BBS9: variants seen among roughly 807,000 people sequenced by gnomAD.
BBS9 encodes the protein Bardet-Biedl syndrome 9, also known as protein PTHB1.
BBS9 carries 89 observed loss-of-function variants against 117.7 expected under a neutral mutation model. The ratio of observed to expected loss-of-function variants is 0.76; its 90% CI spans 0.64 to 0.90. The LOEUF is 0.90. Ranked by LOEUF, BBS9 falls within the 40% of genes least tolerant of loss-of-function variation. BBS9 has a pLI of 0.00. For synonymous variants in BBS9, 379 were observed against 370.9 expected, an observed-to-expected ratio of 1.02 and a Z score of -0.25; for missense variants, 982 against 1,042.2, an observed-to-expected ratio of 0.94 and a Z score of 0.80.
intron 5 of BBS9, among the ~76,000 whole-genome samples, chr7:33,183,772 C>T (rs1483932733): frequency 2.6e-5 from 4 of 152,144 alleles, no homozygotes; most frequent in African/African-American, 9.7e-5. Context: ...AAAGGTCAAG[C>T]TCCCAAGGAC....
chr7:33,281,627 C>T (rs1280293701), intron 9 of BBS9, among the ~76,000 whole-genome samples: 2 of 151,632 alleles, frequency 1.3e-5, no homozygotes, highest in African/African-American at 4.8e-5. Flanking sequence ...TCTCCTGCCT[C>T]AACCTCTCAA....
At chr7:33,248,349 A>G (rs905753882) in intron 5 of BBS9, among the ~76,000 whole-genome samples, 1 of 152,192 alleles carries the variant, frequency 6.6e-6, no homozygotes, top group African/African-American at 2.4e-5. Context: ...CATTATTATT[A>G]GGCACTAATT....
intron 9 of BBS9, among the ~76,000 whole-genome samples, chr7:33,311,604 G>A (rs999087311): frequency 2.6e-5 from 4 of 152,112 alleles, no homozygotes; most frequent in Admixed American, 1.3e-4. Context: ...ATCACTTGAG[G>A]TCAGGAGTTC....
At chr7:33,209,110 C>G (rs1787530119) in intron 5 of BBS9, among the ~76,000 whole-genome samples, 1 of 152,156 alleles carries the variant, frequency 6.6e-6, no homozygotes, top group Non-Finnish European at 1.5e-5. Flanking sequence ...CTACCCTTCT[C>G]AGACTTTGGT....
chr7:33,422,398 T>G (rs1180534807), intron 19 of BBS9, among the ~76,000 whole-genome samples: 1 of 152,202 alleles, frequency 6.6e-6, no homozygotes, highest in African/African-American at 2.4e-5. Flanking sequence ...GTGATTTACT[T>G]TAAGAAGCTT....
At position 33,605,221 on chromosome 7, in the gene BBS9, G is replaced by A. The variant is rs772149404; in HGVS notation, c.2659G>A (p.Glu887Lys). Residue 887 changes from glutamate (E) to lysine (K), a missense_variant, in exon 23 of 23, where the codon GAA (glutamate) becomes AAA (lysine). Coordinates refer to ENST00000242067, the MANE Select transcript of BBS9 (RefSeq NM_198428.3). ...AGTTTCACCCCTCCAAGGAGTCTCG[G>A]AATAATTCAAGTAGAGTTGTTTGGT... ...PEVSPLQGVS[E>K] 11 of 1,612,664 alleles carry A rather than the reference G, an allele frequency of 6.8e-6. No individual in the cohort carries two copies. In the South Asian group the frequency reaches 1.2e-4, roughly 18 times the overall value.
chr7:33,610,051 G>A (rs1426303071), downstream of BBS9, among the ~76,000 whole-genome samples: 2 of 151,936 alleles, frequency 1.3e-5, no homozygotes, highest in Non-Finnish European at 2.9e-5. Context: ...TTTTCAAATT[G>A]TGCAAAAGCA....
At chr7:33,520,366 A>C (rs1232325070) in intron 20 of BBS9, among the ~76,000 whole-genome samples, 2 of 152,120 alleles carry the variant, frequency 1.3e-5, no homozygotes, top group East Asian at 3.9e-4. Flanking sequence ...GCTGTTATTC[A>C]AGTGAACCCG....
intron 21 of BBS9, among the ~76,000 whole-genome samples, chr7:33,630,755 G>A (rs1301208350): frequency 6.6e-6 from 1 of 152,030 alleles, no homozygotes; most frequent in Non-Finnish European, 1.5e-5. Flanking sequence ...TTTCCCTCTG[G>A]TGACATTGCA....
At chr7:33,249,033 C>A (rs947146580) in intron 5 of BBS9, among the ~76,000 whole-genome samples, 1 of 152,232 alleles carries the variant, frequency 6.6e-6, no homozygotes, top group South Asian at 2.1e-4. Flanking sequence ...ATGTAGCATG[C>A]TGAGTAATGG....
At chr7:33,624,501 T>C (rs1005752956) in intron 21 of BBS9, among the ~76,000 whole-genome samples, 2 of 152,318 alleles carry the variant, frequency 1.3e-5, no homozygotes, top group Admixed American at 1.3e-4. Context: ...TTTCTCCTCT[T>C]TTACTTTCTA....
chr7:33,293,565 A>G (rs1804535353), intron 9 of BBS9, among the ~76,000 whole-genome samples: 1 of 152,300 alleles, frequency 6.6e-6, no homozygotes, highest in African/African-American at 2.4e-5. Context: ...AGGAAAAAGT[A>G]TCAGTACAGA....
chr7:33,424,856 A>G (rs931341558), intron 19 of BBS9, among the ~76,000 whole-genome samples: 1 of 152,174 alleles, frequency 6.6e-6, no homozygotes, highest in Middle Eastern at 3.2e-3. Flanking sequence ...GTTATAACTT[A>G]AGAGATTTGA....
At chr7:33,292,636 A>G (rs1186807199) in intron 9 of BBS9, among the ~76,000 whole-genome samples, 4 of 152,194 alleles carry the variant, frequency 2.6e-5, no homozygotes, top group Non-Finnish European at 5.9e-5. Flanking sequence ...TAAGGTGATA[A>G]TTGCAATTTG....
rs3932906 is a variant in BBS9 at position 33,566,191 on chromosome 7, T to C, written c.2521+32015T>C. Among the ~76,000 whole-genome samples the C allele has an allele frequency of 4.0e-3, 601 of 151,934 alleles. 8 individuals are homozygous for C. The highest frequency in any genetic ancestry group is 0.014 in the African/African-American group (578 of 41,472). ...GATGGAAAAGATTGGTTCTCATTAT[T>C]GTTAAGATATTGGCATAATGTTAGG... On this transcript the variant is annotated intron_variant, in intron 21 of 22. Transcript: ENST00000242067.
At chr7:33,398,650 G>C (rs571885475) in intron 19 of BBS9, among the ~76,000 whole-genome samples, 1 of 152,278 alleles carries the variant, frequency 6.6e-6, no homozygotes, top group African/African-American at 2.4e-5. Flanking sequence ...TCACAAATGT[G>C]AGCCACATGT....
chr7:33,508,921 A>G (rs922316516), intron 20 of BBS9, among the ~76,000 whole-genome samples: 3 of 152,204 alleles, frequency 2.0e-5, no homozygotes, highest in Non-Finnish European at 2.9e-5. Flanking sequence ...ATATGTAAGC[A>G]TGCTTATCCC....
rs61764067 is a variant in BBS9, at chr7:33,340,944, G to A, written c.1246G>A (p.Val416Met). The A allele has an allele frequency of 4.0e-3, 6,458 of 1,613,512 alleles. 38 individuals carry two copies. The highest frequency in any genetic ancestry group is 0.023 in the East Asian group (1,048 of 44,840). The change falls in exon 11 of 23, where the codon GTG (valine) becomes ATG (methionine). Residue 416 changes from valine (V) to methionine (M), a missense_variant. By Grantham distance (21) the Val-to-Met change is conservative (BLOSUM62 1). Transcript: ENST00000242067. The stretch of plus-strand genomic sequence containing the variant: ...AGAAGATGACTTGAACGTTTCTGTC[G>A]TGGTTTCTCCTAACTTTGATTCAGT... ...EREDDLNVSV[V>M]VSPNFDSVSQ...
intron 21 of BBS9, among the ~76,000 whole-genome samples, chr7:33,540,568 C>T (rs184801979): frequency 1.2e-4 from 18 of 152,218 alleles, no homozygotes; most frequent in Non-Finnish European, 2.5e-4. Context: ...CTGAAAATGA[C>T]ATATATAACT....
Sources: gnomAD v4.1 joint callset for allele counts (sites outside exome capture counted in the v4.1 genomes callset) on GRCh38, gnomAD v4.1.1 for gene constraint, MANE v1.5 for transcripts, NCBI Gene and HGNC (gene_info 2026-07-23, HGNC 2026-07-21) for gene names.